Variants in TPRG1 observed in about 807,000 individuals in gnomAD.
TPRG1 encodes the protein tumor protein p63-regulated gene 1 protein.
TPRG1 carries 29 observed loss-of-function variants against 29.3 expected under a neutral mutation model. That is an observed-to-expected ratio of 0.99 (90% CI 0.74 to 1.35). The LOEUF (loss-of-function observed/expected upper bound fraction) is 1.35, where lower values mean the gene tolerates loss of function less well. Among genes scored for constraint, TPRG1 ranks in the 40% most tolerant of loss-of-function variants. TPRG1 has a pLI of 0.00. For synonymous variants in TPRG1, 130 were observed against 116.8 expected, an observed-to-expected ratio of 1.11 and a Z score of -0.73; for missense variants, 327 against 335.0, an observed-to-expected ratio of 0.98 and a Z score of 0.19.
chr3:189,126,619 T>C (rs1223442486), intron 1 of TPRG1, among the ~76,000 whole-genome samples: 1 of 152,228 alleles, frequency 6.6e-6, no homozygotes, highest in Non-Finnish European at 1.5e-5. Context: ...TGTGTCTGAA[T>C]TCCATTTCCA....
chr3:189,163,876 G>T lies in TPRG1; in HGVS notation c.-10+13004G>T, dbSNP rs577193197. Among the ~76,000 whole-genome samples, 5 of 152,176 alleles carry T rather than the reference G, an allele frequency of 3.3e-5. No homozygotes were observed. The South Asian group carries it at 1.0e-3, about 32-fold the overall frequency. On this transcript the variant is annotated intron_variant, in intron 5 of 6. Transcript: ENST00000412373. ...GCAGGGCAGTCCCTGAGGCACGCTG[G>T]AAACCCCGCCGAGAATCATTCTGAA...
chr3:189,082,968 T>C (rs6781637), intron 4 of TPRG1, among the ~76,000 whole-genome samples: 4,262 of 152,160 alleles, frequency 0.028, 199 homozygotes, highest in African/African-American at 0.097. Context: ...AAATGGTATT[T>C]GGGTGGGGTC....
At position 189,253,299 on chromosome 3, in the gene TPRG1, G is replaced by T. The variant is rs992226204; in HGVS notation, c.479+14390G>T. Among the ~76,000 whole-genome samples, 5 of 152,232 alleles carry T rather than the reference G, an allele frequency of 3.3e-5. No homozygotes were observed. The South Asian group carries it at 1.0e-3, about 32-fold the overall frequency. On this transcript the variant is annotated intron_variant, in intron 4 of 5. Coordinates refer to ENST00000345063, the MANE Select transcript of TPRG1 (RefSeq NM_198485.4). ...TTGTGAGTGAACTCCCACTCATGTG[G>T]TGTTTGGAACCACTCATGGGAGTTC...
At chr3:189,050,649 A>G (rs1210691798) in intron 4 of TPRG1, among the ~76,000 whole-genome samples, 1 of 152,320 alleles carries the variant, frequency 6.6e-6, no homozygotes, top group East Asian at 1.9e-4. Context: ...CTACAGACCA[A>G]TATCCTTAAT....
intron 4 of TPRG1, among the ~76,000 whole-genome samples, chr3:189,277,512 T>C (rs1361399987): frequency 6.6e-6 from 1 of 152,234 alleles, no homozygotes; most frequent in East Asian, 1.9e-4. Context: ...AAAATGTGTT[T>C]TTTCATTTTT....
chr3:189,205,343 A>G (rs1419282894), intron 1 of TPRG1, among the ~76,000 whole-genome samples: 4 of 152,230 alleles, frequency 2.6e-5, no homozygotes, highest in African/African-American at 7.2e-5. Flanking sequence ...TCTACATTCA[A>G]ATCCTCAGGG....
At chr3:189,236,568 G>A (rs1739480378) in intron 3 of TPRG1, among the ~76,000 whole-genome samples, 1 of 152,114 alleles carries the variant, frequency 6.6e-6, no homozygotes, top group Non-Finnish European at 1.5e-5. Context: ...GGAAACTGTT[G>A]AACCAAGACT....
At chr3:189,123,323 T>A (rs995230475) in intron 1 of TPRG1, among the ~76,000 whole-genome samples, 7 of 152,198 alleles carry the variant, frequency 4.6e-5, no homozygotes, top group African/African-American at 1.7e-4. Flanking sequence ...GATTGGTCTG[T>A]TACAATAATA....
intron 3 of TPRG1, among the ~76,000 whole-genome samples, chr3:189,141,122 A>C (rs888586951): frequency 1.3e-5 from 2 of 152,248 alleles, no homozygotes; most frequent in Admixed American, 1.3e-4. Context: ...AAAGAGCTGC[A>C]TGCCTACAGG....
intron 3 of TPRG1, among the ~76,000 whole-genome samples, chr3:189,023,117 G>A (rs377086694): frequency 2.0e-5 from 3 of 152,152 alleles, no homozygotes; most frequent in Admixed American, 6.5e-5. Flanking sequence ...ACTGACCTGC[G>A]CCCACTGTCT....
chr3:189,221,470 G>T (rs1457900648), intron 3 of TPRG1, among the ~76,000 whole-genome samples: 3 of 151,866 alleles, frequency 2.0e-5, no homozygotes, highest in African/African-American at 2.4e-5. Flanking sequence ...TTTCATATTT[G>T]GCATTCCCTG....
chr3:189,280,234 T>G (rs1480224017), intron 4 of TPRG1, among the ~76,000 whole-genome samples: 1 of 151,822 alleles, frequency 6.6e-6, no homozygotes, highest in Non-Finnish European at 1.5e-5. Context: ...TAGAAGTGAA[T>G]GAATGCACCT....
chr3:189,271,527 T>C (rs968073769), intron 4 of TPRG1, among the ~76,000 whole-genome samples: 7 of 152,366 alleles, frequency 4.6e-5, no homozygotes, highest in South Asian at 2.1e-4. Context: ...AAATGTGCCA[T>C]AGCAGAAAAT....
intron 4 of TPRG1, among the ~76,000 whole-genome samples, chr3:189,269,647 A>G (rs1417591969): frequency 6.6e-6 from 1 of 152,202 alleles, no homozygotes; most frequent in Non-Finnish European, 1.5e-5. Flanking sequence ...AGAGCCTTCC[A>G]AGATGCTATA....
At chr3:189,152,962 C>T (rs1030216250) in intron 5 of TPRG1, among the ~76,000 whole-genome samples, 1 of 152,076 alleles carries the variant, frequency 6.6e-6, no homozygotes, top group African/African-American at 2.4e-5. Context: ...GGACTGCTAC[C>T]CGCCGTTATT....
chr3:189,124,065 A>G lies in TPRG1; in HGVS notation c.-743-2992A>G, dbSNP rs1318818644. 2.6e-5 allele frequency among the ~76,000 whole-genome samples: 4 copies of G among 152,152 alleles called. No individual in the cohort carries two copies. In the East Asian group the frequency reaches 7.7e-4, roughly 29 times the overall value. On this transcript the variant is annotated intron_variant, in intron 1 of 6. Transcript: ENST00000412373. ...TTCTGATTATTCAGCTTTTTCAGGT[A>G]ATATTTTAAGAATATTACCTTCTTA...
intron 4 of TPRG1, among the ~76,000 whole-genome samples, chr3:189,245,764 T>G (rs945628282): frequency 4.6e-5 from 7 of 152,094 alleles, no homozygotes; most frequent in African/African-American, 1.7e-4. Flanking sequence ...CTGAGTGGAG[T>G]GCAAAAATCT....
At chr3:189,159,709 TAGG>T (rs1267962573) in intron 5 of TPRG1, among the ~76,000 whole-genome samples, 1 of 152,160 alleles carries the variant, frequency 6.6e-6, no homozygotes, top group African/African-American at 2.4e-5. Flanking sequence ...TTCTTAGTAT[TAGG>T]AGTGCAGTGT....
chr3:189,190,159 G>A lies in TPRG1; in HGVS notation c.-9-17217G>A, dbSNP rs190398763. 1.8e-4 allele frequency among the ~76,000 whole-genome samples: 28 copies of A among 152,242 alleles called. No individual in the cohort carries two copies. In the South Asian group the frequency reaches 4.6e-3, roughly 25 times the overall value. ...ACCCACTTCTGGTGAAACCTATATC[G>A]AAAGAAAACTCTAAGGAATAGTCAG... On this transcript the variant is annotated intron_variant, in intron 1 of 5. Transcript: ENST00000345063.
Sources: gnomAD v4.1 joint callset for allele counts (sites outside exome capture counted in the v4.1 genomes callset) on GRCh38, gnomAD v4.1.1 for gene constraint, MANE v1.5 for transcripts, NCBI Gene and HGNC (gene_info 2026-07-23, HGNC 2026-07-21) for gene names.